Variants in GNAO1 observed in about 807,000 individuals in gnomAD.
GNAO1 encodes the protein guanine nucleotide-binding protein G(o) subunit alpha.
For missense variants in GNAO1, 166 were observed against 478.7 expected, an observed-to-expected ratio of 0.35 and a Z score of 6.10; for synonymous variants, 164 against 180.7, an observed-to-expected ratio of 0.91 and a Z score of 0.74.
At chr16:56,302,855 T>C (rs1442985843) in intron 3 of GNAO1, 1 of 152,264 alleles carries the variant, frequency 6.6e-6, no homozygotes, top group Non-Finnish European at 1.5e-5. Context: ...TTCTCTTACA[T>C]GTTCCAAATT....
intron 2 of GNAO1, among the ~76,000 whole-genome samples, chr16:56,269,710 G>A (rs547495091): frequency 2.0e-5 from 3 of 152,290 alleles, no homozygotes; most frequent in Admixed American, 6.5e-5. Context: ...GGGAGCAGAC[G>A]AGGGGCATTT....
intron 2 of GNAO1, among the ~76,000 whole-genome samples, chr16:56,261,925 C>G (rs1276641640): frequency 6.6e-6 from 1 of 152,196 alleles, no homozygotes; most frequent in East Asian, 1.9e-4. Context: ...GAACAGAAAC[C>G]TGCCCTAGAG....
intron 2 of GNAO1, among the ~76,000 whole-genome samples, chr16:56,195,315 C>T (rs941554784): frequency 2.6e-5 from 4 of 152,218 alleles, no homozygotes; most frequent in Non-Finnish European, 5.9e-5. Context: ...TCCCTGTGAG[C>T]CTTCCAGCTT....
intron 2 of GNAO1, among the ~76,000 whole-genome samples, chr16:56,198,172 G>T (rs1375386382): frequency 6.6e-6 from 1 of 152,224 alleles, no homozygotes; most frequent in Non-Finnish European, 1.5e-5. Flanking sequence ...CCCACAGAGT[G>T]TGGGTTTACA....
chr16:56,252,269 G>A (rs2036806380), intron 2 of GNAO1, among the ~76,000 whole-genome samples: 1 of 152,230 alleles, frequency 6.6e-6, no homozygotes, highest in Admixed American at 6.5e-5. Context: ...GATGGCCCCT[G>A]TGAACCCAAG....
rs149231289 is a variant in GNAO1, at chr16:56,288,909, C to G, written c.303+12837C>G. Among the ~76,000 whole-genome samples the G allele has an allele frequency of 1.6e-3, 241 of 152,226 alleles. 4 individuals carry two copies. The South Asian group carries it at 0.039, about 25-fold the overall frequency. ...TTTTTCATCCATTAGATCTGAGGAA[C>G]GACACCGAAGATCGCCCCTCCCCCA... On this transcript the variant is annotated intron_variant, in intron 3 of 8. Transcript: ENST00000262493.
intron 2 of GNAO1, among the ~76,000 whole-genome samples, chr16:56,233,201 G>A (rs939197383): frequency 1.3e-5 from 2 of 152,182 alleles, no homozygotes; most frequent in East Asian, 3.8e-4. Flanking sequence ...AATGGGGTCC[G>A]ATACAAAGCC....
intron 6 of GNAO1, chr16:56,347,863 T>G: frequency 5.1e-6 from 5 of 979,980 alleles, no homozygotes; most frequent in Non-Finnish European, 6.0e-6. Flanking sequence ...TGCCTCCTGG[T>G]CTTCTCTACT....
rs114279820 is a variant in GNAO1, at chr16:56,281,229, G to A, written c.303+5157G>A. ...GCAGAGTCCCATTTAGATAGGCACAGTATGATGAGGTAAAACAAATCATTC... is the reference window on the plus strand; with the variant it reads ...GCAGAGTCCCATTTAGATAGGCACAATATGATGAGGTAAAACAAATCATTC... On this transcript the variant is annotated intron_variant, in intron 3 of 8. Coordinates refer to ENST00000262493, the MANE Select transcript of GNAO1 (RefSeq NM_020988.3). Among the ~76,000 whole-genome samples the A allele has an allele frequency of 5.6e-3, 860 of 152,270 alleles. 12 individuals are homozygous for A. The highest frequency in any genetic ancestry group is 0.02 in the African/African-American group (830 of 41,538).
chr16:56,324,348 G>A (rs1025683143), intron 3 of GNAO1, among the ~76,000 whole-genome samples: 36 of 152,280 alleles, frequency 2.4e-4, no homozygotes, highest in Admixed American at 5.9e-4. Flanking sequence ...CCTCGCAGGC[G>A]TCCCCAACCC....
chr16:56,252,105 G>A (rs748496763), intron 2 of GNAO1, among the ~76,000 whole-genome samples: 7 of 152,194 alleles, frequency 4.6e-5, no homozygotes, highest in Non-Finnish European at 7.3e-5. Context: ...GAAGGTAGAG[G>A]GAATTCTGTA....
intron 2 of GNAO1, among the ~76,000 whole-genome samples, chr16:56,269,749 A>G (rs1376591134): frequency 6.6e-6 from 1 of 152,182 alleles, no homozygotes; most frequent in East Asian, 1.9e-4. Context: ...GTGAAAAACC[A>G]TGTATCCCAA....
intron 2 of GNAO1, among the ~76,000 whole-genome samples, chr16:56,266,042 T>C (rs547186514): frequency 6.6e-6 from 1 of 152,346 alleles, no homozygotes; most frequent in East Asian, 1.9e-4. Flanking sequence ...CACTGAGGCC[T>C]CAGCTTCATG....
chr16:56,198,717 C>T (rs66931076), intron 2 of GNAO1, among the ~76,000 whole-genome samples: 10,509 of 152,256 alleles, frequency 0.069, 506 homozygotes, highest in Non-Finnish European at 0.099. Flanking sequence ...AATCATTATA[C>T]AAATGTTAGC....
At chr16:56,262,666 T>C (rs762962681) in intron 2 of GNAO1, among the ~76,000 whole-genome samples, 1 of 152,212 alleles carries the variant, frequency 6.6e-6, no homozygotes, top group Non-Finnish European at 1.5e-5. Flanking sequence ...GTATTGTTTA[T>C]ATACTAAACA....
intron 2 of GNAO1, among the ~76,000 whole-genome samples, chr16:56,227,687 C>CAAAAAAAAAAAAAAAAAAAAAAAAA (rs386384777): frequency 1.6e-5 from 1 of 61,954 alleles, no homozygotes; most frequent in African/African-American, 6.1e-5. Flanking sequence ...GACCCTGTCT[C>CAAAAAAAAAAAAAAAAAAAAAAAAA]AAAAAAAAAA....
intron 3 of GNAO1, among the ~76,000 whole-genome samples, chr16:56,317,464 A>G (rs2037523505): frequency 6.6e-6 from 1 of 152,254 alleles, no homozygotes; most frequent in Admixed American, 6.5e-5. Flanking sequence ...GATACATAGT[A>G]GATGGGTGAA....
chr16:56,275,057 G>A lies in GNAO1; in HGVS notation c.162-874G>A, dbSNP rs147316032. ...TCAGTTATTATATTGGTGCGTGAAC[G>A]TGTCACAAGTAGTGTTCTATCTGGG... is the stretch of plus-strand genomic sequence containing the variant. On this transcript the variant is annotated intron_variant, in intron 2 of 8. Coordinates refer to ENST00000262493, the MANE Select transcript of GNAO1 (RefSeq NM_020988.3). Among the ~76,000 whole-genome samples the A allele has an allele frequency of 1.4e-3, 206 of 152,346 alleles. 1 individual carries two copies. The highest frequency in any genetic ancestry group is 4.6e-3 in the African/African-American group (191 of 41,580).
At chr16:56,200,670 A>C (rs1437866877) in intron 2 of GNAO1, among the ~76,000 whole-genome samples, 1 of 152,236 alleles carries the variant, frequency 6.6e-6, no homozygotes, top group Non-Finnish European at 1.5e-5. Context: ...TATGGGCAGT[A>C]GAGACCTGGC....
Sources: gnomAD v4.1 joint callset for allele counts (sites outside exome capture counted in the v4.1 genomes callset) on GRCh38, gnomAD v4.1.1 for gene constraint, MANE v1.5 for transcripts, NCBI Gene and HGNC (gene_info 2026-07-23, HGNC 2026-07-21) for gene names.